PRKG1: variants seen among roughly 807,000 people sequenced by gnomAD.
PRKG1 encodes the protein cGMP-dependent protein kinase 1.
Under a neutral mutation model 88.1 loss-of-function variants are expected in PRKG1, and 35 were observed. The ratio of observed to expected loss-of-function variants is 0.40; its 90% CI spans 0.30 to 0.53. The LOEUF is 0.53. PRKG1 is among the 20% of genes least tolerant of loss of function. The probability of loss-of-function intolerance (pLI) is 0.59; values close to 1 mark genes in which losing one functional copy is unlikely to be tolerated. For missense variants in PRKG1, 540 were observed against 839.8 expected (o/e 0.64, Z 4.41); for synonymous variants, 303 against 292.5 (o/e 1.04, Z -0.37).
chr10:51,739,653 C>A (rs1564628216), intron 3 of PRKG1, among the ~76,000 whole-genome samples: 1 of 151,840 alleles, frequency 6.6e-6, no homozygotes, highest in African/African-American at 2.4e-5. Context: ...AGAAGATAAT[C>A]ATTTGTCATT....
At chr10:51,560,952 C>T (rs1253522793) in intron 3 of PRKG1, among the ~76,000 whole-genome samples, 4 of 151,644 alleles carry the variant, frequency 2.6e-5, no homozygotes, top group South Asian at 2.1e-4. Flanking sequence ...TGTGCTTAGA[C>T]GGTTTTGAAC....
chr10:52,063,756 G>A (rs528710556), intron 7 of PRKG1, among the ~76,000 whole-genome samples: 1 of 152,152 alleles, frequency 6.6e-6, no homozygotes, highest in Non-Finnish European at 1.5e-5. Flanking sequence ...GCTCCTCTCT[G>A]TAGGCAGGTC....
At chr10:51,985,422 C>T (rs1037162274) in intron 5 of PRKG1, among the ~76,000 whole-genome samples, 1 of 152,022 alleles carries the variant, frequency 6.6e-6, no homozygotes, top group South Asian at 2.1e-4. Flanking sequence ...AAATGTTATT[C>T]ATAGCTTTAT....
chr10:51,830,042 A>G (rs1167228485), intron 4 of PRKG1, among the ~76,000 whole-genome samples: 1 of 152,154 alleles, frequency 6.6e-6, no homozygotes, highest in Non-Finnish European at 1.5e-5. Flanking sequence ...CTTAATACCT[A>G]TATTTACATG....
At chr10:51,919,023 C>T (rs1046890732) in intron 5 of PRKG1, among the ~76,000 whole-genome samples, 2 of 152,094 alleles carry the variant, frequency 1.3e-5, no homozygotes, top group African/African-American at 4.8e-5. Flanking sequence ...CCACAGAATA[C>T]AAAGCTTGTT....
chr10:51,073,017 A>G (rs961762266), upstream of PRKG1, among the ~76,000 whole-genome samples: 1 of 152,208 alleles, frequency 6.6e-6, no homozygotes, highest in African/African-American at 2.4e-5. Context: ...GGATTATAAT[A>G]TTGAGTGCCC....
intron 10 of PRKG1, among the ~76,000 whole-genome samples, chr10:52,267,220 T>C (rs1293837586): frequency 6.6e-6 from 1 of 151,192 alleles, no homozygotes; most frequent in Non-Finnish European, 1.5e-5. Flanking sequence ...GCTCAACAAA[T>C]ACAAATTGCT....
chr10:51,374,617 T>C (rs967328006), intron 2 of PRKG1, among the ~76,000 whole-genome samples: 3 of 152,084 alleles, frequency 2.0e-5, no homozygotes, highest in South Asian at 2.1e-4. Context: ...GGACCCAGCA[T>C]TCCTCCCCTC....
rs542106090 is a variant in PRKG1 at position 51,851,691 on chromosome 10, T to C, written c.698+47001T>C. ...TTCTCGCTATAAATTTTAGTAAGAA[T>C]GAATAGCAGGTATGCTTAAAATGCT... On this transcript the variant is annotated intron_variant, in intron 4 of 17. Coordinates refer to ENST00000373980, the MANE Select transcript of PRKG1 (RefSeq NM_006258.4). Among the ~76,000 whole-genome samples, 3 of 152,362 alleles carry C rather than the reference T, an allele frequency of 2.0e-5. No individual in the cohort carries two copies. In the East Asian group the frequency reaches 5.8e-4, roughly 29 times the overall value.
intron 1 of PRKG1, among the ~76,000 whole-genome samples, chr10:51,097,077 G>A (rs1192569291): frequency 2.0e-5 from 3 of 152,146 alleles, no homozygotes; most frequent in African/African-American, 7.2e-5. Flanking sequence ...TCTCAGCCTA[G>A]CAGTCTGTTC....
At chr10:51,462,140 A>G (rs1351729374) in intron 2 of PRKG1, among the ~76,000 whole-genome samples, 3 of 152,210 alleles carry the variant, frequency 2.0e-5, no homozygotes, top group African/African-American at 4.8e-5. Context: ...TCATGAAGGT[A>G]TAGTCAAACA....
intron 4 of PRKG1, among the ~76,000 whole-genome samples, chr10:51,828,308 G>A (rs900393359): frequency 2.0e-5 from 3 of 151,328 alleles, no homozygotes; most frequent in East Asian, 1.9e-4. Context: ...TAATCCTCAC[G>A]TGAAAAAAAA....
intron 3 of PRKG1, among the ~76,000 whole-genome samples, chr10:51,717,270 G>A (rs1391835574): frequency 6.6e-6 from 1 of 152,188 alleles, no homozygotes; most frequent in African/African-American, 2.4e-5. Flanking sequence ...TTTTGTTCCT[G>A]TGTAGACATG....
At chr10:51,622,797 A>AT in intron 3 of PRKG1, among the ~76,000 whole-genome samples, 1 of 152,262 alleles carries the variant, frequency 6.6e-6, no homozygotes, top group Admixed American at 6.5e-5. Context: ...AGCCAATCAT[A>AT]TTTTTTAAGG....
intron 2 of PRKG1, among the ~76,000 whole-genome samples, chr10:51,269,212 T>A (rs1414053872): frequency 6.6e-6 from 1 of 152,072 alleles, no homozygotes; most frequent in Non-Finnish European, 1.5e-5. Flanking sequence ...TTTAAAAAAA[T>A]TAAAAATATT....
intron 1 of PRKG1, among the ~76,000 whole-genome samples, chr10:51,026,418 A>G (rs1843206677): frequency 6.6e-6 from 1 of 152,190 alleles, no homozygotes; most frequent in Admixed American, 6.5e-5. Flanking sequence ...GAGGTGGACA[A>G]TCAGCTAATA....
intron 2 of PRKG1, among the ~76,000 whole-genome samples, chr10:51,374,409 A>G (rs1227419830): frequency 6.6e-6 from 1 of 151,912 alleles, no homozygotes; most frequent in Non-Finnish European, 1.5e-5. Flanking sequence ...GTCCCTGCAA[A>G]GGACATGAAC....
At chr10:51,619,393 G>C (rs1295907716) in intron 3 of PRKG1, among the ~76,000 whole-genome samples, 7 of 152,024 alleles carry the variant, frequency 4.6e-5, no homozygotes, top group Non-Finnish European at 1.0e-4. Flanking sequence ...CATTTGACTG[G>C]GTCTTTCCCC....
chr10:51,409,577 C>G (rs1339096169), intron 2 of PRKG1, among the ~76,000 whole-genome samples: 1 of 151,988 alleles, frequency 6.6e-6, no homozygotes, highest in Non-Finnish European at 1.5e-5. Flanking sequence ...AAAGTAGTGG[C>G]CGGGCACGGT....
Sources: allele counts gnomAD v4.1 joint callset (sites outside exome capture counted in the v4.1 genomes callset), GRCh38; gene constraint gnomAD v4.1.1; transcripts MANE v1.5; gene names NCBI Gene and HGNC (gene_info 2026-07-23, HGNC 2026-07-21).